The following CPB2 variants were observed in gnomAD, a reference collection of about 807,000 sequenced individuals.
CPB2 encodes the protein carboxypeptidase B2.
In CPB2, 54 loss-of-function variants were observed where a neutral mutation model predicts 57.0. That is an observed-to-expected ratio of 0.95 (90% CI 0.76 to 1.19). CPB2 has a LOEUF of 1.19. CPB2 is among the 50% of genes most tolerant of loss of function. The probability of loss-of-function intolerance (pLI) is 0.00; values close to 1 mark genes in which losing one functional copy is unlikely to be tolerated. For missense variants in CPB2, 426 were observed against 512.0 expected (o/e 0.83, Z 1.62); for synonymous variants, 189 against 178.1 (o/e 1.06, Z -0.49).
chr13:46,064,233 C>A (rs2044819003), intron 8 of CPB2, among the ~76,000 whole-genome samples: 1 of 152,068 alleles, frequency 6.6e-6, no homozygotes, highest in Non-Finnish European at 1.5e-5. Flanking sequence ...GCACTCCAGC[C>A]TGGTCAACAC....
At chr13:46,086,838 G>T (rs143124378) in intron 2 of CPB2, among the ~76,000 whole-genome samples, 8 of 152,338 alleles carry the variant, frequency 5.3e-5, no homozygotes, top group African/African-American at 1.9e-4. Flanking sequence ...AGTCCAGAGG[G>T]GGCTGAGGCA....
chr13:46,056,821 GT>G (rs973980819), intron 9 of CPB2, among the ~76,000 whole-genome samples: 8 of 152,088 alleles, frequency 5.3e-5, no homozygotes, highest in Non-Finnish European at 1.2e-4. Context: ...ATTATTTGTA[GT>G]TTTTCCCCCC....
chr13:46,090,067 C>A (rs1194985995), intron 1 of CPB2, among the ~76,000 whole-genome samples: 1 of 152,076 alleles, frequency 6.6e-6, no homozygotes, highest in Non-Finnish European at 1.5e-5. Context: ...TACCCTTGAG[C>A]CAATACTACT....
At chr13:46,067,486 C>T (rs55822839) in intron 6 of CPB2, 69 bp from the exon 7 acceptor site, 1 of 808,150 alleles carries the variant, frequency 1.2e-6, no homozygotes, top group Non-Finnish European at 2.0e-6. Flanking sequence ...GTTTCTTTTT[C>T]TTTTTTTTAA....
At chr13:46,095,397 A>C (rs1201857030) in intron 1 of CPB2, among the ~76,000 whole-genome samples, 1 of 152,168 alleles carries the variant, frequency 6.6e-6, no homozygotes, top group Non-Finnish European at 1.5e-5. Context: ...AGATGCAGGG[A>C]TGATAGATCC....
Position 46,084,324 on chromosome 13 carries a change from A to G in CPB2, c.170T>C (p.Val57Ala). The G allele has an allele frequency of 6.2e-7, 1 of 1,614,152 alleles. No individual in the cohort carries two copies. Among genetic ancestry groups the G allele is most frequent in the Non-Finnish European group, 8.5e-7 (1 of 1,180,006 alleles). ...TTYEIVLWQP[V>A]TADLIVKKKQ... ...TTTCTTCACAATAAGGTCAGCTGTTACCGGCTGCCAGAGAACAATCTACAG... is the reference window on the plus strand; with the variant it reads ...TTTCTTCACAATAAGGTCAGCTGTTGCCGGCTGCCAGAGAACAATCTACAG... The change falls in exon 3 of 11, where the codon GTA (valine) becomes GCA (alanine). Residue 57 changes from valine to alanine, a missense_variant. Physicochemically the swap from Val to Ala is moderately conservative, Grantham distance 64. Transcript: ENST00000181383.
intron 1 of CPB2, among the ~76,000 whole-genome samples, chr13:46,103,366 C>G (rs1376029333): frequency 1.3e-5 from 2 of 152,244 alleles, no homozygotes; most frequent in African/African-American, 2.4e-5. Context: ...TCCAAACCAA[C>G]TGCTGCCTGC....
rs544833092 is a variant in CPB2, at chr13:46,073,975, A to T, written c.489T>A (p.Val163=). Residue 163 remains valine (V), a splice_region_variant and synonymous_variant, in exon 6 of 11, where the codon GTT becomes GTA. Transcript: ENST00000181383. ...FEKYPLYVLK[V]SGKEQAAKNA... is the part of the protein sequence containing the mutation. Reference sequence around the variant, plus strand: ...TTTTGGCTGCTTGTTCTTTTCCAGAAACCTGCTCAAAGAAACCCCAAAAGT... The same window carrying T: ...TTTTGGCTGCTTGTTCTTTTCCAGATACCTGCTCAAAGAAACCCCAAAAGT... 1.3e-6 allele frequency: 2 copies of T among 1,573,356 alleles called. No individual in the cohort carries two copies. Among genetic ancestry groups the T allele is most frequent in the South Asian group, 2.3e-5 (2 of 88,092 alleles).
At chr13:46,101,076 G>T (rs2045428578) in intron 1 of CPB2, 1 of 152,110 alleles carries the variant, frequency 6.6e-6, no homozygotes, top group South Asian at 2.1e-4. Context: ...ACCTAACTTA[G>T]GAGTATTTTT....
chr13:46,093,114 T>C (rs1485541596), intron 1 of CPB2, among the ~76,000 whole-genome samples: 2 of 152,150 alleles, frequency 1.3e-5, no homozygotes, highest in Non-Finnish European at 2.9e-5. Flanking sequence ...GGTTTCACCA[T>C]GTTGGTCAGG....
intron 9 of CPB2, among the ~76,000 whole-genome samples, chr13:46,057,519 T>C (rs555259332): frequency 2.0e-5 from 3 of 152,262 alleles, no homozygotes; most frequent in Non-Finnish European, 4.4e-5. Flanking sequence ...GGGATGAGGA[T>C]TTGTCGAAGC....
At chr13:46,063,118 T>C (rs2044799932) in intron 8 of CPB2, among the ~76,000 whole-genome samples, 1 of 152,198 alleles carries the variant, frequency 6.6e-6, no homozygotes, top group Non-Finnish European at 1.5e-5. Context: ...AAAAATAATG[T>C]TGAGTGGGTG....
intron 10 of CPB2, 45 bp downstream of exon 10, chr13:46,055,717 T>A (rs2044687834): frequency 8.6e-7 from 1 of 1,166,870 alleles, no homozygotes; most frequent in African/African-American, 1.6e-5. Context: ...CACAGATTTC[T>A]TTAGTAGCTC....
At chr13:46,084,608 CAA>C (rs796439717) in intron 2 of CPB2, among the ~76,000 whole-genome samples, 24 of 152,046 alleles carry the variant, frequency 1.6e-4, no homozygotes, top group African/African-American at 5.1e-4. Context: ...TTTGATGAGA[CAA>C]TGATGAATGA....
intron 6 of CPB2, among the ~76,000 whole-genome samples, chr13:46,071,695 T>C (rs2044945258): frequency 6.6e-6 from 1 of 152,098 alleles, no homozygotes; most frequent in Non-Finnish European, 1.5e-5. Flanking sequence ...AGAAGGATCA[T>C]TGGTAGTATC....
intron 1 of CPB2, chr13:46,098,928 G>A (rs1471505348): frequency 1.3e-5 from 2 of 152,108 alleles, no homozygotes; most frequent in Non-Finnish European, 2.9e-5. Context: ...TGTTTCCTGG[G>A]GAAACTAACC....
chr13:46,087,680 G>A, intron 2 of CPB2, 65 bp downstream of exon 2: 1 of 1,064,112 alleles, frequency 9.4e-7, no homozygotes, highest in South Asian at 1.3e-5. Flanking sequence ...CATACAGGAG[G>A]AAACTCAACA....
chr13:46,076,973 C>G (rs9567617), intron 5 of CPB2, among the ~76,000 whole-genome samples: 51,898 of 151,566 alleles, frequency 0.34, 9,025 homozygotes, highest in African/African-American at 0.39. Flanking sequence ...AACTATAAAA[C>G]TACTAGAAGA....
chr13:46,071,605 G>A (rs9316181), intron 6 of CPB2, among the ~76,000 whole-genome samples: 52,273 of 152,002 alleles, frequency 0.34, 9,220 homozygotes, highest in African/African-American at 0.39. Flanking sequence ...CATGAACCGG[G>A]TACCAGGAAA....
Sources: allele counts gnomAD v4.1 joint callset (sites outside exome capture counted in the v4.1 genomes callset), GRCh38; gene constraint gnomAD v4.1.1; transcripts MANE v1.5; gene names NCBI Gene and HGNC (gene_info 2026-07-23, HGNC 2026-07-21).